The following SGCZ variants were observed in gnomAD, a reference collection of about 807,000 sequenced individuals.
SGCZ encodes sarcoglycan zeta.
A neutral mutation model predicts 41.3 loss-of-function variants in SGCZ; 40 were observed. The ratio of observed to expected loss-of-function variants is 0.97; its 90% CI spans 0.75 to 1.26. The LOEUF is 1.26. Among genes scored for constraint, SGCZ ranks in the 50% most tolerant of loss-of-function variants. The pLI is 0.00. For missense variants in SGCZ, 552 were observed against 369.8 expected, an observed-to-expected ratio of 1.49 and a Z score of -4.04; for synonymous variants, 206 against 137.5, an observed-to-expected ratio of 1.50 and a Z score of -3.49.
In SGCZ at chr8:14,123,248, T is replaced by C. The variant is rs1234294826; in HGVS notation, c.548-15013A>G. Reference sequence around the variant, plus strand: ...AAAGTTTGTTTTGATTCACTTGTCTTAAAGACCGAAAATAACAAAGCAAAC... The same window carrying C: ...AAAGTTTGTTTTGATTCACTTGTCTCAAAGACCGAAAATAACAAAGCAAAC... On this transcript the variant is annotated intron_variant, in intron 5 of 7. Transcript: ENST00000382080. Among the ~76,000 whole-genome samples the C allele has an allele frequency of 4.6e-5, 7 of 152,320 alleles. No homozygotes were observed. In the East Asian group the frequency reaches 1.3e-3, roughly 29 times the overall value.
Position 14,087,894 on chromosome 8 carries a change from C to T in SGCZ, c.*2549G>A, listed in dbSNP as rs1321527947. On this transcript the variant is annotated 3_prime_UTR_variant, in exon 8 of 8. Transcript: ENST00000382080. ...ATTATTTGGTGTTGAATAGGAAAGC[C>T]ATCGCTATCACTATATTTTCTACTG... Among the ~76,000 whole-genome samples, 1 of 151,588 alleles carries T rather than the reference C, an allele frequency of 6.6e-6. No individual in the cohort carries two copies. The highest frequency in any genetic ancestry group is 1.5e-5 in the Non-Finnish European group (1 of 67,762).
intron 1 of SGCZ, among the ~76,000 whole-genome samples, chr8:14,905,538 A>G (rs949395268): frequency 9.2e-5 from 14 of 152,062 alleles, no homozygotes; most frequent in Non-Finnish European, 1.5e-4. Context: ...AACTGGGTAC[A>G]TGTGCAAATT....
chr8:14,517,303 G>C (rs752069616), intron 2 of SGCZ, among the ~76,000 whole-genome samples: 1 of 152,030 alleles, frequency 6.6e-6, no homozygotes, highest in Admixed American at 6.6e-5. Flanking sequence ...AGATCTTTAA[G>C]GGCCCAAGTT....
At chr8:14,476,216 A>T (rs1417852938) in intron 2 of SGCZ, among the ~76,000 whole-genome samples, 2 of 152,096 alleles carry the variant, frequency 1.3e-5, no homozygotes, top group Non-Finnish European at 2.9e-5. Context: ...TGTAGTCAAG[A>T]ATCAGGAGTA....
chr8:14,539,236 G>C lies in SGCZ; in HGVS notation c.234+15496C>G, dbSNP rs73531101. Among the ~76,000 whole-genome samples the C allele has an allele frequency of 8.3e-3, 1,267 of 152,006 alleles. 23 individuals are homozygous for C. Among genetic ancestry groups the C allele is most frequent in the African/African-American group, 0.029 (1,188 of 41,472 alleles). On this transcript the variant is annotated intron_variant, in intron 2 of 7. Coordinates refer to ENST00000382080, the MANE Select transcript of SGCZ (RefSeq NM_139167.4). ...CCAAATGGCCTAACCTGAAGATTTG[G>C]GACTTTTCAGCCTCTAATACAAAAC...
intron 1 of SGCZ, among the ~76,000 whole-genome samples, chr8:14,820,982 C>G (rs1039970113): frequency 8.7e-5 from 13 of 148,808 alleles, no homozygotes; most frequent in African/African-American, 3.2e-4. Context: ...AATAATAAAG[C>G]TCAGAGCAGA....
intron 1 of SGCZ, among the ~76,000 whole-genome samples, chr8:14,784,423 A>G (rs1800688130): frequency 1.3e-5 from 2 of 148,204 alleles, no homozygotes. Flanking sequence ...AAAAAATGTC[A>G]GCTATATCAG....
chr8:14,312,139 G>A (rs771779237), intron 3 of SGCZ, among the ~76,000 whole-genome samples: 8 of 152,038 alleles, frequency 5.3e-5, no homozygotes, highest in Non-Finnish European at 7.4e-5. Context: ...TTCTTTATAC[G>A]TATATGTATA....
intron 1 of SGCZ, among the ~76,000 whole-genome samples, chr8:15,156,174 T>G (rs186106649): frequency 3.7e-4 from 56 of 152,232 alleles, no homozygotes; most frequent in African/African-American, 1.2e-3. Context: ...TATGTTTCAC[T>G]CCAGTTTTCA....
chr8:14,195,006 T>C (rs1229295951), intron 4 of SGCZ, among the ~76,000 whole-genome samples: 1 of 152,106 alleles, frequency 6.6e-6, no homozygotes, highest in Non-Finnish European at 1.5e-5. Context: ...AGTTTAAGAA[T>C]ATTTATAGAA....
chr8:14,945,259 C>G (rs530340680), intron 1 of SGCZ, among the ~76,000 whole-genome samples: 1 of 152,136 alleles, frequency 6.6e-6, no homozygotes, highest in Admixed American at 6.5e-5. Flanking sequence ...AACTATGATA[C>G]AAGAAAAATC....
intron 6 of SGCZ, among the ~76,000 whole-genome samples, chr8:14,104,567 A>G (rs996407341): frequency 5.9e-5 from 9 of 152,164 alleles, no homozygotes; most frequent in Non-Finnish European, 7.4e-5. Context: ...AGAAACAGAA[A>G]GAAAGAGAGG....
intron 2 of SGCZ, among the ~76,000 whole-genome samples, chr8:14,348,625 T>G (rs1320383089): frequency 6.6e-6 from 1 of 152,122 alleles, no homozygotes; most frequent in Non-Finnish European, 1.5e-5. Context: ...AAAAAAATGA[T>G]AGCCATTAAA....
In SGCZ at chr8:14,312,635, AAAG is replaced by A. The variant is rs1328349518; in HGVS notation, c.336+11465_336+11467del. Among the ~76,000 whole-genome samples the A allele has an allele frequency of 2.1e-3, 320 of 152,014 alleles. 1 individual carries two copies. The highest frequency in any genetic ancestry group is 7.2e-3 in the African/African-American group (297 of 41,456). ...ACATAGCTAGACTCTGTCTCCACAGAAAGAAGAAGAAGAGGAAGAGGAAGAGGA... is the reference window on the plus strand; with the variant it reads ...ACATAGCTAGACTCTGTCTCCACAGAAAGAAGAAGAGGAAGAGGAAGAGGA... On this transcript the variant is annotated intron_variant, in intron 3 of 7. Coordinates refer to ENST00000382080, the MANE Select transcript of SGCZ (RefSeq NM_139167.4).
intron 1 of SGCZ, among the ~76,000 whole-genome samples, chr8:14,878,568 G>C (rs1490412404): frequency 1.3e-5 from 2 of 152,042 alleles, no homozygotes; most frequent in Non-Finnish European, 2.9e-5. Context: ...GTTGAATGTC[G>C]ATATCTTCCA....
intron 1 of SGCZ, among the ~76,000 whole-genome samples, chr8:15,000,339 T>A (rs114207156): frequency 6.6e-6 from 1 of 152,160 alleles, no homozygotes; most frequent in Non-Finnish European, 1.5e-5. Context: ...GGATAAAGCC[T>A]TCATGAATGG....
At chr8:14,867,917 T>TG (rs1803992783) in intron 1 of SGCZ, among the ~76,000 whole-genome samples, 1 of 132,856 alleles carries the variant, frequency 7.5e-6, no homozygotes, top group Non-Finnish European at 1.6e-5. Context: ...ACTTAAAAGT[T>TG]AAAAAAAAAA....
intron 1 of SGCZ, among the ~76,000 whole-genome samples, chr8:15,023,782 G>C (rs1585484066): frequency 6.6e-6 from 1 of 152,298 alleles, no homozygotes; most frequent in South Asian, 2.1e-4. Flanking sequence ...GGTTATGTGA[G>C]AGAGAGTCCC....
At chr8:14,881,198 T>G (rs952763907) in intron 1 of SGCZ, among the ~76,000 whole-genome samples, 1 of 152,188 alleles carries the variant, frequency 6.6e-6, no homozygotes, top group Non-Finnish European at 1.5e-5. Context: ...GCATACTAAT[T>G]TTAATAATGA....
Sources: gnomAD v4.1 joint callset for allele counts (sites outside exome capture counted in the v4.1 genomes callset) on GRCh38, gnomAD v4.1.1 for gene constraint, MANE v1.5 for transcripts, NCBI Gene and HGNC (gene_info 2026-07-23, HGNC 2026-07-21) for gene names.